Variants in SPPL2B observed in about 807,000 individuals in gnomAD.
SPPL2B encodes signal peptide peptidase like 2B.
A neutral mutation model predicts 59.7 loss-of-function variants in SPPL2B; 39 were observed. The ratio of observed to expected loss-of-function variants is 0.65; its 90% CI spans 0.51 to 0.85. The LOEUF is 0.85. Ranked by LOEUF, SPPL2B falls within the 40% of genes least tolerant of loss-of-function variation. The probability of loss-of-function intolerance (pLI) is 0.00; values close to 1 mark genes in which losing one functional copy is unlikely to be tolerated. For missense variants in SPPL2B, 865 were observed against 849.0 expected (o/e 1.02, Z -0.23); for synonymous variants, 419 against 370.8 (o/e 1.13, Z -1.49).
In SPPL2B at chr19:2,351,449, T is replaced by G; in HGVS notation, c.1370T>G (p.Leu457Arg). The change falls in exon 14 of 15, where the codon CTC becomes CGC. Residue 457 changes from leucine (L) to arginine (R), a missense_variant. Physicochemically the swap from Leu to Arg is moderately radical, Grantham distance 102. Coordinates refer to ENST00000613503, the MANE Select transcript of SPPL2B (RefSeq NM_152988.3). The part of the protein sequence containing the change: ...VACTIAYGVG[L>R]LVTFVALALM... ...GTCCCCACAGCCTATGGCGTTGGCC[T>G]CCTTGTGACATTCGTGGCACTGGCC... The G allele has an allele frequency of 1.2e-6, 2 of 1,607,318 alleles. No homozygotes were observed. Among genetic ancestry groups the G allele is most frequent in the Non-Finnish European group, 1.7e-6 (2 of 1,177,702 alleles).
intron 13 of SPPL2B, among the ~76,000 whole-genome samples, chr19:2,350,948 C>G (rs762590775): frequency 1.3e-5 from 2 of 152,186 alleles, no homozygotes; most frequent in Non-Finnish European, 2.9e-5. Context: ...GGGTGGACAC[C>G]GTGCCCTTTG....
rs776560984 is a variant in SPPL2B, at chr19:2,338,800, G to C, written c.418G>C (p.Val140Leu). 6.2e-7 allele frequency: 1 copy of C among 1,613,630 alleles called. No individual in the cohort carries two copies. The highest frequency in any genetic ancestry group is 8.5e-7 in the Non-Finnish European group (1 of 1,179,708). The change falls in exon 4 of 15, where the codon GTG (valine) becomes CTG (leucine). Residue 140 changes from valine (V) to leucine (L), a missense_variant. By Grantham distance (32) the Val-to-Leu change is conservative (BLOSUM62 1). Transcript: ENST00000613503. The part of the protein sequence containing the change: ...KTQYDEIGIP[V>L]ALLSYKDMLD... ...GCAGTATGATGAGATTGGCATTCCC[G>C]TGGCCCTGCTCAGCTACAAAGACAT...
chr19:2,343,951 C>A lies in SPPL2B; in HGVS notation c.1039-14C>A. 1 of 1,546,206 alleles carries A rather than the reference C, an allele frequency of 6.5e-7. No homozygotes were observed. The highest frequency in any genetic ancestry group is 8.7e-7 in the Non-Finnish European group (1 of 1,145,202). ...GGCCGGGGTGGGGGCCGCCCTCAGC[C>A]GTGGGCTTCGCAGGCCTGCACGCTG... On this transcript the variant is annotated splice_polypyrimidine_tract_variant and intron_variant, in intron 9 of 14. Transcript: ENST00000613503.
In SPPL2B at chr19:2,351,608, T is replaced by C; in HGVS notation, c.1515+14T>C. ...AGCGGCTTTGCGGTGAATACCAGTT[T>C]GCTCTGACTGTGAGAAATACTCGCC... is the stretch of plus-strand genomic sequence containing the variant. On this transcript the variant is annotated intron_variant, in intron 14 of 14. Transcript: ENST00000613503. 2.5e-6 allele frequency: 4 copies of C among 1,596,596 alleles called. No individual in the cohort carries two copies. Among genetic ancestry groups the C allele is most frequent in the Non-Finnish European group, 3.4e-6 (4 of 1,168,684 alleles).
intron 1 of SPPL2B, among the ~76,000 whole-genome samples, chr19:2,329,994 G>A (rs1041094920): frequency 6.6e-6 from 1 of 152,032 alleles, no homozygotes; most frequent in Non-Finnish European, 1.5e-5. Flanking sequence ...CTGCAGCCAG[G>A]CACCTAGAGC....
chr19:2,337,785 C>T (rs1044620057), intron 3 of SPPL2B, 160 bp downstream of exon 3: 22 of 725,234 alleles, frequency 3.0e-5, no homozygotes, highest in South Asian at 1.5e-4. Flanking sequence ...GGGGAGGATC[C>T]GGGCCGAGTG....
At chr19:2,343,918 G>C in intron 9 of SPPL2B, 47 bp from the exon 10 acceptor site, 1 of 1,431,096 alleles carries the variant, frequency 7.0e-7, no homozygotes, top group Non-Finnish European at 9.6e-7. Flanking sequence ...GGGAGTGGGG[G>C]AGGCACGGGC....
Position 2,340,066 on chromosome 19 carries a change from G to T in SPPL2B, c.743-10G>T. ...GCCTGGCCCCCGGCCTCACGGCCCT[G>T]CCCCTGCAGTGTACGTGGTCATCGG... is the stretch of plus-strand genomic sequence containing the variant. On this transcript the variant is annotated splice_polypyrimidine_tract_variant and intron_variant, in intron 6 of 14. Transcript: ENST00000613503. 6.3e-7 allele frequency: 1 copy of T among 1,588,172 alleles called. No individual in the cohort carries two copies. The highest frequency in any genetic ancestry group is 8.5e-7 in the Non-Finnish European group (1 of 1,171,164).
At chr19:2,344,312 G>GCCC (rs1222791028) in intron 10 of SPPL2B, 50 bp from the exon 11 acceptor site, 2 of 196,700 alleles carry the variant, frequency 1.0e-5, no homozygotes, top group Middle Eastern at 1.2e-3. Context: ...CCACTCCCCT[G>GCCC]CCCCCCCACC....
chr19:2,349,813 C>T (rs1013862828), intron 13 of SPPL2B, among the ~76,000 whole-genome samples: 2 of 146,980 alleles, frequency 1.4e-5, no homozygotes, highest in Non-Finnish European at 3.0e-5. Flanking sequence ...CTCTCATTCG[C>T]TTGACTCTGT....
Position 2,337,442 on chromosome 19 carries a change from G to C in SPPL2B, c.187-1G>C. The C allele has an allele frequency of 6.3e-7, 1 of 1,596,454 alleles. No individual in the cohort carries two copies. Among genetic ancestry groups the C allele is most frequent in the South Asian group, 1.1e-5 (1 of 89,236 alleles). On this transcript the variant is annotated splice_acceptor_variant, in intron 2 of 14. Coordinates refer to ENST00000613503, the MANE Select transcript of SPPL2B (RefSeq NM_152988.3). LOFTEE classifies it high-confidence loss of function. ...ACAACACTGTGCCCTGGCCTTTCCA[G>C]TCTTTCCTGCAGCTGCGCAACTGGA...
intron 13 of SPPL2B, among the ~76,000 whole-genome samples, chr19:2,348,532 AC>A (rs1225045368): frequency 6.7e-6 from 1 of 149,802 alleles, no homozygotes; most frequent in Non-Finnish European, 1.5e-5. Context: ...CTCTCCCTCC[AC>A]ACACACTCAC....
Position 2,353,176 on chromosome 19 carries a change from G to A in SPPL2B, c.1746G>A (p.Pro582=), listed in dbSNP as rs144490639. Residue 582 remains proline (P), a synonymous_variant, in exon 15 of 15, where the codon CCG becomes CCA. Coordinates refer to ENST00000613503, the MANE Select transcript of SPPL2B (RefSeq NM_152988.3). The part of the protein sequence containing the change: ...AESEGRDQAQ[P]SPVTQPGASA ...CCGAGGGCCGGGACCAGGCCCAGCC[G>A]TCCCCGGTAACCCAGCCTGGCGCCT... is the stretch of plus-strand genomic sequence containing the variant. 877 of 1,607,412 alleles carry A rather than the reference G, an allele frequency of 5.5e-4. 8 individuals carry two copies. The South Asian group carries it at 5.7e-3, about 10-fold the overall frequency.
rs4807233 is a variant in SPPL2B at position 2,335,358 on chromosome 19, C to T, written c.186+637C>T. On this transcript the variant is annotated intron_variant, in intron 2 of 14. Transcript: ENST00000613503. ...TCATTTCCCACTGCATCCTTCAGGC[C>T]CCGCCTCCTTTCTCACTGCATCCTT... is the stretch of plus-strand genomic sequence containing the variant. Among the ~76,000 whole-genome samples, 4 of 121,768 alleles carry T rather than the reference C, an allele frequency of 3.3e-5. No homozygotes were observed. In the Admixed American group the frequency reaches 3.7e-4, roughly 11 times the overall value. The allele number at this position is 121,768 out of a possible 152,430, so 79.9% of individuals were successfully genotyped here.
intron 1 of SPPL2B, among the ~76,000 whole-genome samples, chr19:2,334,233 C>T (rs1306458123): frequency 2.6e-5 from 4 of 151,654 alleles, no homozygotes; most frequent in South Asian, 2.1e-4. Context: ...CTGCTCAGGG[C>T]TCTGCCCGTG....
intron 13 of SPPL2B, 35 bp from the exon 14 acceptor site, chr19:2,351,399 G>A: frequency 6.5e-7 from 1 of 1,545,086 alleles, no homozygotes; most frequent in South Asian, 1.2e-5. Context: ...GCCCTGGCCT[G>A]CCTGGCTGAG....
intron 14 of SPPL2B, among the ~76,000 whole-genome samples, chr19:2,351,845 G>A (rs986696162): frequency 1.3e-5 from 2 of 151,620 alleles, no homozygotes; most frequent in South Asian, 2.1e-4. Flanking sequence ...CGGGGGTGCC[G>A]GGTGGGGCCC....
At chr19:2,351,692 G>A (rs1041095917) in intron 14 of SPPL2B, 98 bp downstream of exon 14, 10 of 1,484,008 alleles carry the variant, frequency 6.7e-6, no homozygotes, top group South Asian at 3.9e-5. Flanking sequence ...CCAGCCCTGC[G>A]GCCGCGACGG....
chr19:2,331,975 G>A (rs1968313723), intron 1 of SPPL2B, among the ~76,000 whole-genome samples: 1 of 152,242 alleles, frequency 6.6e-6, no homozygotes, highest in Admixed American at 6.5e-5. Context: ...CTGGAGGAGG[G>A]GTTCTGGGGG....
Sources: allele counts gnomAD v4.1 joint callset (sites outside exome capture counted in the v4.1 genomes callset), GRCh38; gene constraint gnomAD v4.1.1; transcripts MANE v1.5; gene names NCBI Gene and HGNC (gene_info 2026-07-23, HGNC 2026-07-21).